The following RFC3 variants were observed in gnomAD, a reference collection of about 807,000 sequenced individuals.
The protein encoded by RFC3 is replication factor C subunit 3.
RFC3 carries 41 observed loss-of-function variants against 45.1 expected under a neutral mutation model. The observed-to-expected ratio is 0.91, with a 90% CI of 0.71 to 1.18. RFC3 has a LOEUF of 1.18. RFC3 is among the 50% of genes most tolerant of loss of function. The pLI is 0.00. For missense variants in RFC3, 423 were observed against 428.1 expected, an observed-to-expected ratio of 0.99 and a Z score of 0.10; for synonymous variants, 149 against 144.0, an observed-to-expected ratio of 1.03 and a Z score of -0.25.
chr13:33,911,570 C>T (rs982705207), intron 8 of RFC3, among the ~76,000 whole-genome samples: 3 of 152,042 alleles, frequency 2.0e-5, no homozygotes, highest in African/African-American at 7.2e-5. Flanking sequence ...AAGCATGGCA[C>T]TGGCACCTGA....
chr13:33,834,349 A>G (rs2082133518), intron 7 of RFC3, among the ~76,000 whole-genome samples: 1 of 127,950 alleles, frequency 7.8e-6, no homozygotes, highest in African/African-American at 3.3e-5. Context: ...GTAAAAATTC[A>G]GAAGTTTTTC....
chr13:33,916,434 C>T (rs1290563161), intron 8 of RFC3, among the ~76,000 whole-genome samples: 1 of 152,132 alleles, frequency 6.6e-6, no homozygotes, highest in African/African-American at 2.4e-5. Context: ...CCTTTGGTGA[C>T]AGAAACAGAT....
At chr13:33,838,789 C>T (rs971483889), downstream of RFC3, among the ~76,000 whole-genome samples, 5 of 151,994 alleles carry the variant, frequency 3.3e-5, no homozygotes, top group Non-Finnish European at 7.4e-5. Flanking sequence ...TCCCTTTTTT[C>T]CCTGTCTGGT....
At chr13:33,968,516 G>A (rs958812006), downstream of RFC3, among the ~76,000 whole-genome samples, 3 of 152,210 alleles carry the variant, frequency 2.0e-5, no homozygotes, top group African/African-American at 4.8e-5. Context: ...CAGAATGAAG[G>A]ACAACCAGAC....
At chr13:33,946,007 A>G (rs1242228970) in intron 8 of RFC3, among the ~76,000 whole-genome samples, 1 of 152,084 alleles carries the variant, frequency 6.6e-6, no homozygotes, top group Non-Finnish European at 1.5e-5. Context: ...AACCTTCAGT[A>G]TCTCATCTGG....
At chr13:33,952,671 T>C (rs1340820308) in intron 8 of RFC3, among the ~76,000 whole-genome samples, 1 of 152,168 alleles carries the variant, frequency 6.6e-6, no homozygotes, top group East Asian at 1.9e-4. Context: ...AATGAATGTT[T>C]TGGTCCTAGT....
downstream of RFC3, among the ~76,000 whole-genome samples, chr13:33,967,710 A>G (rs1409022698): frequency 2.7e-5 from 4 of 150,116 alleles, no homozygotes; most frequent in Non-Finnish European, 1.5e-5. Context: ...CTGGTCTTGA[A>G]CTCCTGACCT....
chr13:33,950,072 T>TAC (rs71196530), intron 8 of RFC3, among the ~76,000 whole-genome samples: 53,938 of 144,570 alleles, frequency 0.37, 10,563 homozygotes, highest in Non-Finnish European at 0.47. Context: ...TCTCTCGCTC[T>TAC]ACACACACAC....
the RFC3 span, among the ~76,000 whole-genome samples, chr13:33,973,042 G>T: frequency 6.6e-6 from 1 of 152,016 alleles, no homozygotes; most frequent in South Asian, 2.1e-4. Context: ...TTTGAAGGAT[G>T]ATATAGAAAA....
chr13:33,831,932 C>T (rs553437261), intron 7 of RFC3, among the ~76,000 whole-genome samples: 40 of 152,290 alleles, frequency 2.6e-4, no homozygotes, highest in African/African-American at 9.4e-4. Context: ...CTAAAAAACC[C>T]TGTGCTTATA....
In RFC3 at chr13:33,959,183, C is replaced by A. The variant is rs368055517; in HGVS notation, c.880-6904C>A. On this transcript the variant is annotated intron_variant, in intron 8 of 8. Transcript: ENST00000434425. ...AAATGTCTCTTGTGTTAAATTCCTC[C>A]CACATGTAAGCCACCTCCACCCTGT... is the stretch of plus-strand genomic sequence containing the variant. Among the ~76,000 whole-genome samples the A allele has an allele frequency of 2.6e-3, 396 of 152,194 alleles. 3 individuals carry two copies. The South Asian group carries it at 0.026, about 10-fold the overall frequency.
intron 7 of RFC3, among the ~76,000 whole-genome samples, chr13:33,833,053 G>A (rs1356585822): frequency 6.6e-6 from 1 of 152,126 alleles, no homozygotes; most frequent in Non-Finnish European, 1.5e-5. Context: ...ACAATTGTAG[G>A]AATTGATTCC....
intron 7 of RFC3, among the ~76,000 whole-genome samples, chr13:33,832,016 T>C (rs2082109641): frequency 6.6e-6 from 1 of 152,210 alleles, no homozygotes. Context: ...TTTGACACAT[T>C]TGCTCAAAAT....
Position 33,958,125 on chromosome 13 carries a change from G to A in RFC3, c.880-7962G>A, listed in dbSNP as rs528803393. Among the ~76,000 whole-genome samples the A allele has an allele frequency of 1.4e-3, 215 of 152,336 alleles. 2 individuals are homozygous for A. Among genetic ancestry groups the A allele is most frequent in the African/African-American group, 4.8e-3 (200 of 41,576 alleles). ...TGGTTCCATGGATAGCGAGATCAGA[G>A]AGGGACTCTTTGAGGAGGTGACAGT... On this transcript the variant is annotated intron_variant, in intron 8 of 8. Transcript: ENST00000434425.
intron 8 of RFC3, among the ~76,000 whole-genome samples, chr13:33,911,674 G>A (rs1211166211): frequency 1.3e-5 from 2 of 152,038 alleles, no homozygotes; most frequent in African/African-American, 2.4e-5. Flanking sequence ...TGAACCCAAG[G>A]TGTGTCCTGG....
chr13:33,927,837 A>G (rs576398924), intron 8 of RFC3, among the ~76,000 whole-genome samples: 161 of 152,234 alleles, frequency 1.1e-3, no homozygotes, highest in African/African-American at 3.8e-3. Context: ...GTTGATTTAC[A>G]TCAGCAGTGG....
intron 8 of RFC3, among the ~76,000 whole-genome samples, chr13:33,864,455 TTTAG>T (rs1392803233): frequency 6.6e-6 from 1 of 152,176 alleles, no homozygotes; most frequent in Admixed American, 6.5e-5. Context: ...TCTTGGATTT[TTTAG>T]TTAGTTCAGC....
intron 8 of RFC3, among the ~76,000 whole-genome samples, chr13:33,957,957 C>A (rs993611593): frequency 6.6e-6 from 1 of 152,114 alleles, no homozygotes. Context: ...GTGAACCAGG[C>A]AGATGCTGCA....
At chr13:33,968,118 G>A (rs1487037751), downstream of RFC3, among the ~76,000 whole-genome samples, 1 of 152,104 alleles carries the variant, frequency 6.6e-6, no homozygotes, top group Non-Finnish European at 1.5e-5. Context: ...GCCAGCTCTA[G>A]TGCAATAGGC....
Sources: gnomAD v4.1 joint callset for allele counts (sites outside exome capture counted in the v4.1 genomes callset) on GRCh38, gnomAD v4.1.1 for gene constraint, MANE v1.5 for transcripts, NCBI Gene and HGNC (gene_info 2026-07-23, HGNC 2026-07-21) for gene names.